The following STON2 variants were observed in gnomAD, a reference collection of about 807,000 sequenced individuals.
STON2 encodes stonin-2.
STON2 carries 29 observed loss-of-function variants against 65.7 expected under a neutral mutation model. The ratio of observed to expected loss-of-function variants is 0.44; its 90% CI spans 0.33 to 0.60. The LOEUF (loss-of-function observed/expected upper bound fraction) is 0.60. Among genes scored for constraint, STON2 ranks in the 20% least tolerant of loss-of-function variants. The pLI, the probability that STON2 is intolerant of heterozygous loss-of-function variation, is 0.03. For missense variants in STON2, 1,054 were observed against 1,118.1 expected (o/e 0.94, Z 0.82); for synonymous variants, 404 against 414.2 (o/e 0.98, Z 0.30).
At chr14:81,423,169 C>T (rs953142307) in intron 2 of STON2, among the ~76,000 whole-genome samples, 5 of 152,140 alleles carry the variant, frequency 3.3e-5, no homozygotes, top group Admixed American at 6.6e-5. Context: ...GTTATCACTA[C>T]GTACACAAGT....
chr14:81,328,590 GCT>G (rs1254724999), intron 4 of STON2, among the ~76,000 whole-genome samples: 1 of 152,250 alleles, frequency 6.6e-6, no homozygotes, highest in East Asian at 1.9e-4. Context: ...CAAAAGATAG[GCT>G]GATGTCTGCT....
intron 5 of STON2, among the ~76,000 whole-genome samples, chr14:81,288,471 A>C (rs116595725): frequency 9.8e-4 from 149 of 152,356 alleles, no homozygotes; most frequent in African/African-American, 3.5e-3. Flanking sequence ...TGAATACTGC[A>C]GGCAATTATA....
chr14:81,393,546 G>A (rs544248376), intron 3 of STON2, among the ~76,000 whole-genome samples: 15 of 152,344 alleles, frequency 9.8e-5, no homozygotes, highest in African/African-American at 3.4e-4. Flanking sequence ...AATCTTGGTT[G>A]AATTCCCAAA....
In STON2 at chr14:81,265,768, A is replaced by G. The variant is rs1330245408; in HGVS notation, c.*2646T>C. On this transcript the variant is annotated 3_prime_UTR_variant, in exon 8 of 8. Transcript: ENST00000614646. ...TCCCAACTCTTGGTAAAAAAAACAA[A>G]AAAGTCCAGGTGCATGTACACAGGA... 3.0e-6 allele frequency: 3 copies of G among 985,212 alleles called. No homozygotes were observed. Among genetic ancestry groups the G allele is most frequent in the Non-Finnish European group, 3.6e-6 (3 of 829,854 alleles). 61.0% of individuals were successfully genotyped at this position (985,212 alleles called of 1,614,324 possible).
chr14:81,364,595 T>A (rs992960021), intron 4 of STON2, among the ~76,000 whole-genome samples: 1 of 152,188 alleles, frequency 6.6e-6, no homozygotes, highest in African/African-American at 2.4e-5. Flanking sequence ...GCTACATTTG[T>A]ATATGTATGT....
intron 3 of STON2, among the ~76,000 whole-genome samples, chr14:81,382,870 G>A (rs1168302796): frequency 6.6e-6 from 1 of 152,206 alleles, no homozygotes; most frequent in African/African-American, 2.4e-5. Context: ...GCATTTGGGA[G>A]AAGCAAAGCT....
chr14:81,435,414 G>C (rs113921561), intron 1 of STON2, among the ~76,000 whole-genome samples: 8 of 152,278 alleles, frequency 5.3e-5, no homozygotes, highest in African/African-American at 1.9e-4. Flanking sequence ...GCGCTGTGCT[G>C]GGTGTTTTTC....
chr14:81,366,276 C>A (rs1056461656), intron 4 of STON2, among the ~76,000 whole-genome samples: 2 of 152,162 alleles, frequency 1.3e-5, no homozygotes, highest in Non-Finnish European at 2.9e-5. Context: ...GATTGCCCTG[C>A]AGGGCTGCCA....
chr14:81,411,867 G>GCAGAGTTAAGATAAGCAGA (rs754637724), intron 2 of STON2, among the ~76,000 whole-genome samples: 4 of 141,820 alleles, frequency 2.8e-5, no homozygotes, highest in African/African-American at 1.1e-4. Context: ...GTTAAGACAA[G>GCAGAGTTAAGATAAGCAGA]GAATAACAAG....
In STON2 at chr14:81,265,985, C is replaced by T; in HGVS notation, c.*2429G>A. On this transcript the variant is annotated 3_prime_UTR_variant, in exon 8 of 8. Coordinates refer to ENST00000614646, the MANE Select transcript of STON2 (RefSeq NM_001394390.1). ...TTCTATGAGGAATTAATCTCAAAAG[C>T]CTTCAGTACAACAGGGGAAGAGATA... 1.0e-6 allele frequency: 1 copy of T among 985,328 alleles called. No individual in the cohort carries two copies. The allele number at this position is 985,328 out of a possible 1,614,324, so 61.0% of individuals were successfully genotyped here.
rs755996084 is a variant in STON2, at chr14:81,270,589, G to A, written c.2784+81C>T. 31 of 1,612,344 alleles carry A rather than the reference G, an allele frequency of 1.9e-5. No homozygotes were observed. In the African/African-American group the frequency reaches 4.0e-4, roughly 21 times the overall value. ...GTTACCAGGCGAACATAGTAAGCAT[G>A]GCTAAAAGGAATAAGAGGGGGAGGG... On this transcript the variant is annotated intron_variant, in intron 7 of 7. Transcript: ENST00000614646.
At chr14:81,379,820 C>T (rs773963401) in intron 3 of STON2, among the ~76,000 whole-genome samples, 4 of 152,132 alleles carry the variant, frequency 2.6e-5, no homozygotes, top group African/African-American at 4.8e-5. Flanking sequence ...GGACTCCTAC[C>T]TCTCACTATG....
intron 4 of STON2, among the ~76,000 whole-genome samples, chr14:81,339,937 G>A (rs760914808): frequency 2.0e-4 from 31 of 152,096 alleles, no homozygotes; most frequent in African/African-American, 6.0e-4. Flanking sequence ...GGTAGATCAC[G>A]AGGTCAGGAG....
chr14:81,304,650 C>G (rs1025415161), intron 5 of STON2, among the ~76,000 whole-genome samples: 1 of 152,056 alleles, frequency 6.6e-6, no homozygotes, highest in African/African-American at 2.4e-5. Flanking sequence ...ATTGCTTGAG[C>G]CTGGGAGGCG....
At chr14:81,281,370 T>C (rs764188977) in intron 5 of STON2, among the ~76,000 whole-genome samples, 1 of 152,210 alleles carries the variant, frequency 6.6e-6, no homozygotes, top group African/African-American at 2.4e-5. Flanking sequence ...GGAATGGTAA[T>C]TGATCCTGTC....
intron 4 of STON2, among the ~76,000 whole-genome samples, chr14:81,368,361 C>T (rs1340562537): frequency 6.6e-6 from 1 of 152,040 alleles, no homozygotes; most frequent in Non-Finnish European, 1.5e-5. Context: ...GATCATACAC[C>T]TCATATGCTG....
chr14:81,288,183 C>G (rs1423739767), intron 5 of STON2, among the ~76,000 whole-genome samples: 1 of 152,150 alleles, frequency 6.6e-6, no homozygotes, highest in Non-Finnish European at 1.5e-5. Flanking sequence ...GCAAAAAGCA[C>G]CTGTTTCCTT....
At chr14:81,409,242 T>C (rs1241922799) in intron 2 of STON2, among the ~76,000 whole-genome samples, 1 of 151,934 alleles carries the variant, frequency 6.6e-6, no homozygotes, top group Non-Finnish European at 1.5e-5. Context: ...TCGTCTCTAC[T>C]AAAAATACGA....
chr14:81,292,949 G>T (rs772649719), intron 5 of STON2, among the ~76,000 whole-genome samples: 4 of 152,144 alleles, frequency 2.6e-5, no homozygotes, highest in Non-Finnish European at 4.4e-5. Context: ...GCACTGATCT[G>T]GGTTACAACT....
Sources: allele counts gnomAD v4.1 joint callset (sites outside exome capture counted in the v4.1 genomes callset), GRCh38; gene constraint gnomAD v4.1.1; transcripts MANE v1.5; gene names NCBI Gene and HGNC (gene_info 2026-07-23, HGNC 2026-07-21).